SHE: variants seen among roughly 807,000 people sequenced by gnomAD.
SHE encodes the protein SH2 domain-containing adapter protein E.
A neutral mutation model predicts 49.8 loss-of-function variants in SHE; 11 were observed. The observed-to-expected ratio is 0.22, with a 90% confidence interval of 0.14 to 0.37. The LOEUF (loss-of-function observed/expected upper bound fraction) is 0.37. SHE is among the 10% of genes least tolerant of loss of function. The pLI, the probability that SHE is intolerant of heterozygous loss-of-function variation, is 1.00. For synonymous variants in SHE, 310 were observed against 278.1 expected (o/e 1.11, Z -1.14); for missense variants, 624 against 655.5 (o/e 0.95, Z 0.52).
chr1:154,475,821 G>A (rs973772642), downstream of SHE, among the ~76,000 whole-genome samples: 4 of 152,100 alleles, frequency 2.6e-5, no homozygotes, highest in African/African-American at 9.7e-5. Flanking sequence ...TGTTGCCCAG[G>A]CTGGAGTGTA....
In SHE at chr1:154,501,520, G is replaced by A. The variant is rs376607829; in HGVS notation, c.507C>T (p.Ser169=). 7.4e-6 allele frequency: 12 copies of A among 1,614,210 alleles called. No individual in the cohort carries two copies. Among genetic ancestry groups the A allele is most frequent in the Non-Finnish European group, 1.0e-5 (12 of 1,180,024 alleles). ...SNYPSSSSSS[S]SSSSSASSSP... The stretch of plus-strand genomic sequence containing the variant: ...AAGAGGACGCGGAGGAAGAGGAGCT[G>A]GAGCTGGAGCTACTGCTGCTGGGGT... Residue 169 remains serine, a synonymous_variant, in exon 1 of 6, where the codon TCC becomes TCT. Transcript: ENST00000304760.
intron 2 of SHE, among the ~76,000 whole-genome samples, chr1:154,493,402 C>G (rs1317020946): frequency 6.6e-6 from 1 of 152,122 alleles, no homozygotes; most frequent in Non-Finnish European, 1.5e-5. Flanking sequence ...TAGCCCCTGA[C>G]GTGCAGAGCT....
chr1:154,477,783 T>C (rs1691914012), downstream of SHE, among the ~76,000 whole-genome samples: 1 of 149,904 alleles, frequency 6.7e-6, no homozygotes, highest in Non-Finnish European at 1.5e-5. Flanking sequence ...CCCAGCTACT[T>C]GGGAGGCTGA....
At chr1:154,479,215 C>T (rs907625235), downstream of SHE, among the ~76,000 whole-genome samples, 2 of 152,052 alleles carry the variant, frequency 1.3e-5, no homozygotes, top group Admixed American at 6.6e-5. Context: ...CACTAACTTT[C>T]GACTCAGGAA....
At position 154,501,443 on chromosome 1, in the gene SHE, T is replaced by C. The variant is rs771991445; in HGVS notation, c.584A>G (p.Gln195Arg). 1.1e-5 allele frequency: 18 copies of C among 1,614,106 alleles called. No individual in the cohort carries two copies. The East Asian group carries it at 4.0e-4, about 36-fold the overall frequency. Residue 195 changes from glutamine (Q) to arginine (R), a missense_variant, in exon 1 of 6, where the codon CAA (glutamine) becomes CGA (arginine). Physicochemically the swap from Gln to Arg is conservative, Grantham distance 43. This residue lies in a region of SHE where 337 missense variants were observed against 306.0 expected (regional missense o/e 1.10). Coordinates refer to ENST00000304760, the MANE Select transcript of SHE (RefSeq NM_001010846.3). ...ELDKGKIIKQ[Q>R]ETVIILEDYA... ...GGGAGGCTGTATTCTTACCGTCTCT[T>C]GCTGCTTAATAATCTTGCCCTTGTC...
chr1:154,492,521 G>A (rs1039159325), intron 2 of SHE, among the ~76,000 whole-genome samples: 1 of 152,178 alleles, frequency 6.6e-6, no homozygotes, highest in Non-Finnish European at 1.5e-5. Context: ...CCCAGGCCAG[G>A]CCAGGTATCT....
intron 4 of SHE, 138 bp from the exon 5 acceptor site, chr1:154,486,200 A>G: frequency 3.3e-6 from 4 of 1,205,474 alleles, no homozygotes; most frequent in Admixed American, 4.5e-5. Flanking sequence ...CCTGCTTCAC[A>G]TTCAGAACAG....
rs1008224911 is a variant in SHE at position 154,502,383 on chromosome 1, G to A, written c.-357C>T. Reference sequence around the variant, plus strand: ...GGACCAGAGAGGACCGAGCGGAGGCGGCGGGAGTATCCCCGGCGCAGCGAC... The same window carrying A: ...GGACCAGAGAGGACCGAGCGGAGGCAGCGGGAGTATCCCCGGCGCAGCGAC... On this transcript the variant is annotated 5_prime_UTR_variant, in exon 1 of 6. Transcript: ENST00000304760. 3 of 158,042 alleles carry A rather than the reference G, an allele frequency of 1.9e-5. No homozygotes were observed. In the East Asian group the frequency reaches 5.6e-4, roughly 30 times the overall value. The allele number at this position is 158,042 out of a possible 1,614,324, so 9.8% of individuals were successfully genotyped here. A position where few individuals can be genotyped will look rare whatever the true frequency, so the allele number is the denominator to read the frequency against.
Position 154,479,673 on chromosome 1 carries a change from G to GT in SHE, c.*4475dup. The GT allele has an allele frequency of 1.0e-6, 1 of 977,626 alleles. No individual in the cohort carries two copies. Among genetic ancestry groups the GT allele is most frequent in the Non-Finnish European group, 1.2e-6 (1 of 822,892 alleles). The allele number at this position is 977,626 out of a possible 1,614,324, so 60.6% of individuals were successfully genotyped here. ...AAACATTTTTAAAAGTTGAAACTAT[G>GT]TATTAGTTGATATCTAAAATATTAA... On this transcript the variant is annotated 3_prime_UTR_variant, in exon 6 of 6. Transcript: ENST00000304760.
At chr1:154,477,837 G>A (rs890648077), downstream of SHE, among the ~76,000 whole-genome samples, 37 of 143,944 alleles carry the variant, frequency 2.6e-4, no homozygotes, top group African/African-American at 9.5e-4. Context: ...GTTGCAGTGA[G>A]TTGAGATTGC....
At position 154,482,872 on chromosome 1, in the gene SHE, C is replaced by A; in HGVS notation, c.*1277G>T. On this transcript the variant is annotated 3_prime_UTR_variant, in exon 6 of 6. Coordinates refer to ENST00000304760, the MANE Select transcript of SHE (RefSeq NM_001010846.3). Reference sequence around the variant, plus strand: ...GAGAATCTTTGTAGGCTTTAGAGACCCAGTTCATATAATCAGATCTTAGGG... The same window carrying A: ...GAGAATCTTTGTAGGCTTTAGAGACACAGTTCATATAATCAGATCTTAGGG... 1 of 985,192 alleles carries A rather than the reference C, an allele frequency of 1.0e-6. No homozygotes were observed. The highest frequency in any genetic ancestry group is 5.2e-4 in the Middle Eastern group (1 of 1,914). The allele number at this position is 985,192 out of a possible 1,614,324, so 61.0% of individuals were successfully genotyped here.
intron 3 of SHE, 128 bp from the exon 4 acceptor site, chr1:154,486,811 A>T (rs1023300310): frequency 1.0e-6 from 1 of 999,910 alleles, no homozygotes; most frequent in African/African-American, 1.6e-5. Context: ...ATTAACTATA[A>T]TATACTGCAA....
intron 2 of SHE, 40 bp from the exon 3 acceptor site, chr1:154,489,396 C>T (rs1197253354): frequency 1.2e-5 from 19 of 1,584,088 alleles, no homozygotes; most frequent in Non-Finnish European, 1.6e-5. Context: ...ACACACCATA[C>T]ACAATGTCTT....
At chr1:154,498,287 G>T (rs1334743914) in intron 2 of SHE, among the ~76,000 whole-genome samples, 2 of 151,544 alleles carry the variant, frequency 1.3e-5, no homozygotes, top group African/African-American at 4.9e-5. Context: ...GTAGAGACAG[G>T]GTTTCTCCAT....
chr1:154,475,198 C>CT (rs1258489125), downstream of SHE, among the ~76,000 whole-genome samples: 3 of 151,956 alleles, frequency 2.0e-5, no homozygotes, highest in African/African-American at 7.3e-5. Context: ...GTTCTTTTTT[C>CT]TTTTTTTGAC....
In SHE at chr1:154,489,313, G is replaced by T. The variant is rs761819572; in HGVS notation, c.762C>A (p.Leu254=). The T allele has an allele frequency of 6.2e-7, 1 of 1,614,146 alleles. No individual in the cohort carries two copies. Among genetic ancestry groups the T allele is most frequent in the South Asian group, 1.1e-5 (1 of 91,078 alleles). The change falls in exon 3 of 6, where the codon CTC becomes CTA. Residue 254 remains leucine (L), a synonymous_variant. Transcript: ENST00000304760. ...GTTCACAGGGACTGTCAAGCAGCTGGAGAGCCTTCACCAGGGGATCTTTGG... is the reference window on the plus strand; with the variant it reads ...GTTCACAGGGACTGTCAAGCAGCTGTAGAGCCTTCACCAGGGGATCTTTGG... ...RGSKDPLVKA[L]QLLDSPCEPA...
chr1:154,480,990 A>G lies in SHE; in HGVS notation c.*3159T>C, dbSNP rs1351437176. On this transcript the variant is annotated 3_prime_UTR_variant, in exon 6 of 6. Transcript: ENST00000304760. ...TGCTAAATTCAAGGCAAATTCACTGAAAGACATTCTTCTCACCAGAGAATA... is the reference window on the plus strand; with the variant it reads ...TGCTAAATTCAAGGCAAATTCACTGGAAGACATTCTTCTCACCAGAGAATA... The G allele has an allele frequency of 1.0e-6, 1 of 985,458 alleles. No homozygotes were observed. The highest frequency in any genetic ancestry group is 1.2e-6 in the Non-Finnish European group (1 of 829,940). 61.0% of individuals were successfully genotyped at this position (985,458 alleles called of 1,614,324 possible). A position where few individuals can be genotyped will look rare whatever the true frequency, so the allele number is the denominator to read the frequency against.
At position 154,482,678 on chromosome 1, in the gene SHE, T is replaced by C; in HGVS notation, c.*1471A>G. On this transcript the variant is annotated 3_prime_UTR_variant, in exon 6 of 6. Transcript: ENST00000304760. ...TCACCATAGTACTCTTCTCACAGTA[T>C]GCCATTCCCATGGTTTTTTTCACAG... 1 of 985,436 alleles carries C rather than the reference T, an allele frequency of 1.0e-6. No individual in the cohort carries two copies. Among genetic ancestry groups the C allele is most frequent in the Non-Finnish European group, 1.2e-6 (1 of 829,936 alleles). The allele number at this position is 985,436 out of a possible 1,614,324, so 61.0% of individuals were successfully genotyped here.
At chr1:154,492,289 A>G (rs1195977989) in intron 2 of SHE, among the ~76,000 whole-genome samples, 1 of 152,180 alleles carries the variant, frequency 6.6e-6, no homozygotes, top group African/African-American at 2.4e-5. Flanking sequence ...TCTGGGGTAC[A>G]GTGTGGGAGT....
Sources: allele counts gnomAD v4.1 joint callset (sites outside exome capture counted in the v4.1 genomes callset), GRCh38; gene constraint gnomAD v4.1.1; regional missense constraint gnomAD v4.1.1; transcripts MANE v1.5; gene names NCBI Gene and HGNC (gene_info 2026-07-23, HGNC 2026-07-21).